The following TLN2 variants were observed in gnomAD, a reference collection of about 807,000 sequenced individuals.
TLN2 encodes talin-2.
A neutral mutation model predicts 294.7 loss-of-function variants in TLN2; 118 were observed. The ratio of observed to expected loss-of-function variants is 0.40; its 90% CI spans 0.34 to 0.47. The LOEUF (loss-of-function observed/expected upper bound fraction) is 0.47, where lower values mean the gene tolerates loss of function less well. Ranked by LOEUF, TLN2 falls within the 20% of genes least tolerant of loss-of-function variation. The pLI is 0.84. For synonymous variants in TLN2, 1,431 were observed against 1,304.5 expected (o/e 1.10, Z -2.09); for missense variants, 3,083 against 3,282.2 (o/e 0.94, Z 1.48).
chr15:62,780,115 C>G (rs950584288), intron 43 of TLN2, among the ~76,000 whole-genome samples: 1 of 152,256 alleles, frequency 6.6e-6, no homozygotes, highest in Admixed American at 6.5e-5. Flanking sequence ...CAGATGCAGC[C>G]TCATTCCCAC....
chr15:62,657,914 T>C lies in TLN2; in HGVS notation c.788+16T>C, dbSNP rs34001362. ...GATTTTTAGAGTAAATGACATTTTG[T>C]TTCTCTTTTTTCTCTTTTCTCCTGT... On this transcript the variant is annotated intron_variant, in intron 9 of 58. Transcript: ENST00000636159. 7 of 1,604,456 alleles carry C rather than the reference T, an allele frequency of 4.4e-6. No homozygotes were observed. The Admixed American group carries it at 8.5e-5, about 20-fold the overall frequency.
chr15:62,692,737 G>A lies in TLN2; in HGVS notation c.1114-103G>A, dbSNP rs1056299965. 2.6e-5 allele frequency: 21 copies of A among 808,726 alleles called. No individual in the cohort carries two copies. The African/African-American group carries it at 3.4e-4, about 13-fold the overall frequency. 50.1% of individuals were successfully genotyped at this position (808,726 alleles called of 1,614,324 possible). The stretch of plus-strand genomic sequence containing the variant: ...TTTGTATTTAGAGAGGAGGAGCAGG[G>A]AAAATGAAGTCTATGTCATATTGTT... On this transcript the variant is annotated intron_variant, in intron 12 of 58. Transcript: ENST00000636159.
At chr15:62,800,605 G>A (rs932901585) in intron 49 of TLN2, 48 bp from the exon 50 acceptor site, 3 of 1,611,660 alleles carry the variant, frequency 1.9e-6, no homozygotes, top group Non-Finnish European at 2.5e-6. Context: ...AGTAGGGGCT[G>A]GACCTGAGTC....
intron 1 of TLN2, among the ~76,000 whole-genome samples, chr15:62,428,075 C>T (rs970319149): frequency 2.0e-5 from 3 of 146,736 alleles, no homozygotes; most frequent in Admixed American, 6.7e-5. Flanking sequence ...TGTGCCACCA[C>T]CCCCCCTCCA....
chr15:62,769,121 AG>A (rs2063196163), intron 41 of TLN2, among the ~76,000 whole-genome samples: 1 of 152,376 alleles, frequency 6.6e-6, no homozygotes, highest in Admixed American at 6.5e-5. Context: ...GACATTTGAC[AG>A]TTGCATTGAT....
At chr15:62,622,957 T>G (rs2048963400) in intron 3 of TLN2, among the ~76,000 whole-genome samples, 1 of 152,362 alleles carries the variant, frequency 6.6e-6, no homozygotes, top group South Asian at 2.1e-4. Flanking sequence ...CCATCATCTG[T>G]CTGTGTGCCC....
chr15:62,459,106 TTCTCCTG>T (rs2036647419), intron 1 of TLN2, among the ~76,000 whole-genome samples: 1 of 152,086 alleles, frequency 6.6e-6, no homozygotes, highest in Admixed American at 6.5e-5. Flanking sequence ...GTTCAAGTTA[TTCTCCTG>T]CCTCAGCCTC....
intron 1 of TLN2, among the ~76,000 whole-genome samples, chr15:62,430,125 G>A (rs1566965149): frequency 6.6e-6 from 1 of 152,198 alleles, no homozygotes; most frequent in Non-Finnish European, 1.5e-5. Context: ...TTAGGTCTTT[G>A]TGGCTGTGTT....
chr15:62,553,445 A>T (rs1208793461), intron 1 of TLN2, among the ~76,000 whole-genome samples: 1 of 152,200 alleles, frequency 6.6e-6, no homozygotes, highest in African/African-American at 2.4e-5. Flanking sequence ...AGATCACGCC[A>T]TTGCACTCCA....
At chr15:62,609,997 A>G (rs141339520) in intron 2 of TLN2, among the ~76,000 whole-genome samples, 59 of 152,312 alleles carry the variant, frequency 3.9e-4, no homozygotes, top group African/African-American at 1.3e-3. Context: ...CATTCTTTGA[A>G]CAATTCTTTA....
intron 1 of TLN2, among the ~76,000 whole-genome samples, chr15:62,523,631 A>G (rs996257780): frequency 6.6e-6 from 1 of 152,250 alleles, no homozygotes; most frequent in Non-Finnish European, 1.5e-5. Context: ...AGTAATTGAT[A>G]TATCAAATGG....
chr15:62,394,664 G>T (rs1207250707), intron 1 of TLN2, among the ~76,000 whole-genome samples: 1 of 152,132 alleles, frequency 6.6e-6, no homozygotes, highest in African/African-American at 2.4e-5. Context: ...CCCCTGCAGG[G>T]CCCACACCCC....
At chr15:62,597,439 TC>T (rs2046627530) in intron 2 of TLN2, among the ~76,000 whole-genome samples, 1 of 152,178 alleles carries the variant, frequency 6.6e-6, no homozygotes, top group Non-Finnish European at 1.5e-5. Flanking sequence ...TTAAATGGAT[TC>T]CCCTTTTATA....
chr15:62,655,514 T>C (rs1004250495), intron 7 of TLN2, among the ~76,000 whole-genome samples: 9 of 152,192 alleles, frequency 5.9e-5, no homozygotes, highest in Non-Finnish European at 1.2e-4. Flanking sequence ...AAGATCACTT[T>C]ATTAGGTGAG....
chr15:62,835,867 C>T (rs1348348564), intron 56 of TLN2, 24 bp from the exon 57 acceptor site: 1 of 1,614,168 alleles, frequency 6.2e-7, no homozygotes. Flanking sequence ...GGCCTTGGGT[C>T]ACTTCTCCGT....
intron 1 of TLN2, among the ~76,000 whole-genome samples, chr15:62,551,119 T>C (rs767535393): frequency 6.6e-6 from 1 of 152,094 alleles, no homozygotes; most frequent in Non-Finnish European, 1.5e-5. Context: ...ACAATAGGGT[T>C]TGCAATCCTA....
chr15:62,449,662 C>G (rs938542114), intron 1 of TLN2, among the ~76,000 whole-genome samples: 4 of 152,056 alleles, frequency 2.6e-5, no homozygotes, highest in African/African-American at 7.2e-5. Context: ...GTAGTCCCAG[C>G]GACTTGGGAG....
chr15:62,643,080 TTTG>T (rs1229575102), intron 3 of TLN2, among the ~76,000 whole-genome samples: 3 of 152,210 alleles, frequency 2.0e-5, no homozygotes, highest in African/African-American at 7.2e-5. Context: ...AGGTACTTAT[TTTG>T]TTGTGAGTGG....
At chr15:62,671,036 T>C (rs2055344586) in intron 9 of TLN2, among the ~76,000 whole-genome samples, 1 of 152,248 alleles carries the variant, frequency 6.6e-6, no homozygotes, top group South Asian at 2.1e-4. Context: ...TGGTGGCTAA[T>C]AATGTTGAAC....
Sources: allele counts gnomAD v4.1 joint callset (sites outside exome capture counted in the v4.1 genomes callset), GRCh38; gene constraint gnomAD v4.1.1; transcripts MANE v1.5; gene names NCBI Gene and HGNC (gene_info 2026-07-23, HGNC 2026-07-21).